ODF2L: variants seen among roughly 807,000 people sequenced by gnomAD.
ODF2L encodes outer dense fiber of sperm tails 2 like.
In ODF2L, 76 loss-of-function variants were observed where a neutral mutation model predicts 86.3. That is an observed-to-expected ratio of 0.88 (90% CI 0.73 to 1.07). The LOEUF is 1.07. Among genes scored for constraint, ODF2L ranks in the 50% least tolerant of loss-of-function variants. The pLI, the probability that ODF2L is intolerant of heterozygous loss-of-function variation, is 0.00. For missense variants in ODF2L, 748 were observed against 717.4 expected, an observed-to-expected ratio of 1.04 and a Z score of -0.49; for synonymous variants, 241 against 231.3, an observed-to-expected ratio of 1.04 and a Z score of -0.38.
intron 12 of ODF2L, among the ~76,000 whole-genome samples, chr1:86,359,519 C>CTTT (rs5775904): frequency 5.0e-4 from 48 of 95,086 alleles, no homozygotes; most frequent in African/African-American, 5.9e-4. Flanking sequence ...TTAGTTCATT[C>CTTT]TTTTTTTTTT....
intron 1 of ODF2L, among the ~76,000 whole-genome samples, chr1:86,392,926 G>A (rs1661430987): frequency 6.6e-6 from 1 of 152,088 alleles, no homozygotes; most frequent in Admixed American, 6.5e-5. Context: ...CCAGTCTACT[G>A]CCAAGAGGAC....
intron 8 of ODF2L, 26 bp from the exon 9 acceptor site, chr1:86,372,566 A>G (rs771033609): frequency 5.8e-6 from 7 of 1,208,114 alleles, no homozygotes; most frequent in Non-Finnish European, 8.0e-6. Context: ...AAGTATTCAT[A>G]CTATAATTTT....
rs758706838 is a variant in ODF2L at position 86,376,322 on chromosome 1, C to A, written c.721G>T (p.Ala241Ser). The A allele has an allele frequency of 6.2e-7, 1 of 1,612,208 alleles. No individual in the cohort carries two copies. Among genetic ancestry groups the A allele is most frequent in the Non-Finnish European group, 8.5e-7 (1 of 1,178,614 alleles). ...TAAACTTTAGATGCCTTTTTTAAAG[C>A]TACAGTTTTTTGCCTACTTGCTTCT... Residue 241 changes from alanine to serine, a missense_variant, in exon 8 of 18, where the codon GCT (alanine) becomes TCT (serine). By Grantham distance (99) the Ala-to-Ser change is moderately conservative. Coordinates refer to ENST00000317336, the Ensembl canonical transcript of ODF2L.
downstream of ODF2L, chr1:86,347,547 A>C (rs1657873272): frequency 6.6e-6 from 1 of 152,224 alleles, no homozygotes; most frequent in Admixed American, 6.5e-5. Context: ...TTTAAGAAAA[A>C]TACTACGAAC....
rs897037867 is a variant in ODF2L, at chr1:86,371,908, C to T, written c.920+523G>A. Among the ~76,000 whole-genome samples the T allele has an allele frequency of 2.6e-5, 4 of 152,084 alleles. No homozygotes were observed. In the East Asian group the frequency reaches 5.8e-4, roughly 22 times the overall value. On this transcript the variant is annotated intron_variant, in intron 9 of 17. Transcript: ENST00000317336. Reference sequence around the variant, plus strand: ...CAAGTTTAAAATTTCAAAATGTGGGCCAGGCGTGGTGGCTCACGCCTGTAA... The same window carrying T: ...CAAGTTTAAAATTTCAAAATGTGGGTCAGGCGTGGTGGCTCACGCCTGTAA...
Position 86,363,226 on chromosome 1 carries a change from G to A in ODF2L, c.1144-2690C>T, listed in dbSNP as rs574368296. 7.2e-4 allele frequency among the ~76,000 whole-genome samples: 110 copies of A among 152,202 alleles called. 1 individual carries two copies. The highest frequency in any genetic ancestry group is 1.2e-3 in the Non-Finnish European group (81 of 67,988). ...GGAAAACTGTAGGATTTACTATTTT[G>A]GGAAACATCAAGAGCTCCATTTTGG... is the stretch of plus-strand genomic sequence containing the variant. On this transcript the variant is annotated intron_variant, in intron 11 of 17. Transcript: ENST00000317336.
intron 11 of ODF2L, among the ~76,000 whole-genome samples, chr1:86,368,428 A>G (rs1659588083): frequency 6.6e-6 from 1 of 152,178 alleles, no homozygotes; most frequent in South Asian, 2.1e-4. Flanking sequence ...AGTATAATAT[A>G]TAATTTACAG....
chr1:86,373,111 T>C (rs778361810), intron 8 of ODF2L, among the ~76,000 whole-genome samples: 5 of 152,104 alleles, frequency 3.3e-5, no homozygotes, highest in African/African-American at 9.7e-5. Flanking sequence ...CTAAAAACTA[T>C]TGAAATAAAT....
chr1:86,352,701 GCATAT>G lies in ODF2L; in HGVS notation c.1893+153_1893+157del, dbSNP rs1658226539. ...AAGAGGCAGAATAATAAATTATTTGGCATATCATAACATTTTTATTTGTTATGTCT... is the reference window on the plus strand; with the variant it reads ...AAGAGGCAGAATAATAAATTATTTGGCATAACATTTTTATTTGTTATGTCT... On this transcript the variant is annotated intron_variant, in intron 17 of 17. Transcript: ENST00000317336. 1.3e-5 allele frequency among the ~76,000 whole-genome samples: 2 copies of G among 151,988 alleles called. 1 individual carries two copies. The highest frequency in any genetic ancestry group is 2.9e-5 in the Non-Finnish European group (2 of 67,956).
At chr1:86,388,253 A>G (rs1444174504) in intron 1 of ODF2L, among the ~76,000 whole-genome samples, 3 of 152,140 alleles carry the variant, frequency 2.0e-5, no homozygotes, top group East Asian at 3.8e-4. Context: ...AAGAATTACA[A>G]GTATACAAAA....
At chr1:86,367,367 G>A (rs934234729) in intron 11 of ODF2L, among the ~76,000 whole-genome samples, 6 of 152,080 alleles carry the variant, frequency 3.9e-5, no homozygotes, top group African/African-American at 1.4e-4. Flanking sequence ...AAGGAAACAC[G>A]ATGTGGGTTC....
chr1:86,382,342 G>A (rs1660644851), exon 7 of ODF2L: 3 of 1,611,066 alleles, frequency 1.9e-6, no homozygotes, highest in Non-Finnish European at 1.7e-6. Context: ...AAAACGGTTT[G>A]CTTTCAAAGT....
chr1:86,355,018 T>C, intron 14 of ODF2L, 159 bp from the exon 14 acceptor site: 1 of 551,130 alleles, frequency 1.8e-6, no homozygotes, highest in Admixed American at 3.5e-5. Flanking sequence ...ATTGTTAAAA[T>C]GGAAGTTTTA....
chr1:86,364,659 T>A (rs1192264538), intron 11 of ODF2L, among the ~76,000 whole-genome samples: 1 of 152,110 alleles, frequency 6.6e-6, no homozygotes. Context: ...GGAAATTTTT[T>A]AAAAAGGGAG....
intron 11 of ODF2L, among the ~76,000 whole-genome samples, chr1:86,367,721 G>A (rs968101069): frequency 2.3e-4 from 35 of 152,068 alleles, no homozygotes; most frequent in African/African-American, 8.5e-4. Context: ...GCAATTATAA[G>A]TCATTGCTAT....
intron 1 of ODF2L, among the ~76,000 whole-genome samples, chr1:86,387,849 A>T (rs1661055105): frequency 6.6e-6 from 1 of 152,116 alleles, no homozygotes; most frequent in Non-Finnish European, 1.5e-5. Flanking sequence ...ATCAAAGGTT[A>T]TATTTAAGGT....
chr1:86,394,558 AG>A (rs1190685005), intron 1 of ODF2L, among the ~76,000 whole-genome samples: 23 of 152,204 alleles, frequency 1.5e-4, no homozygotes, highest in African/African-American at 5.3e-4. Context: ...GTTCTGGACA[AG>A]GAAATGAGTG....
exon 18 of ODF2L, chr1:86,351,412 G>C (rs1261584903): frequency 6.6e-6 from 1 of 152,144 alleles, no homozygotes. Flanking sequence ...TAGATGTGTG[G>C]AGTTATTTCT....
intron 6 of ODF2L, 104 bp from the exon 7 acceptor site, chr1:86,382,462 T>C (rs2101293294): frequency 1.3e-6 from 2 of 1,528,622 alleles, no homozygotes; most frequent in East Asian, 4.7e-5. Flanking sequence ...TCTAAACAGC[T>C]GATAAAAAGC....
Sources: gnomAD v4.1 joint callset for allele counts (sites outside exome capture counted in the v4.1 genomes callset) on GRCh38, gnomAD v4.1.1 for gene constraint, MANE v1.5 for transcripts, NCBI Gene and HGNC (gene_info 2026-07-23, HGNC 2026-07-21) for gene names.